Variants in FER1L5 observed in about 807,000 individuals in gnomAD.
The protein encoded by FER1L5 is fer-1 like family member 5, also known as fer-1-like protein 5.
FER1L5 carries 187 observed loss-of-function variants against 279.9 expected under a neutral mutation model. The ratio of observed to expected loss-of-function variants is 0.67; its 90% CI spans 0.59 to 0.75. The LOEUF is 0.75. Among genes scored for constraint, FER1L5 ranks in the 30% least tolerant of loss-of-function variants. The pLI is 0.00. For synonymous variants in FER1L5, 921 were observed against 989.7 expected, an observed-to-expected ratio of 0.93 and a Z score of 1.30; for missense variants, 2,091 against 2,594.4, an observed-to-expected ratio of 0.81 and a Z score of 4.21.
At chr2:96,700,293 G>A (rs1274514329) in intron 44 of FER1L5, 39 bp from the exon 45 acceptor site, 3 of 1,608,006 alleles carry the variant, frequency 1.9e-6, no homozygotes, top group Admixed American at 3.3e-5. Flanking sequence ...GAAGGCTAAT[G>A]ACCTCGCAAT....
At chr2:96,652,127 T>C in intron 7 of FER1L5, 107 bp downstream of exon 7, 1 of 1,456,152 alleles carries the variant, frequency 6.9e-7, no homozygotes, top group East Asian at 2.5e-5. Flanking sequence ...ATGTGTTTGT[T>C]CCACAAGCAT....
chr2:96,644,811 G>C (rs879654531), intron 1 of FER1L5, among the ~76,000 whole-genome samples: 4 of 152,200 alleles, frequency 2.6e-5, no homozygotes, highest in Non-Finnish European at 4.4e-5. Flanking sequence ...GGTTTCAAGA[G>C]GGGCGGTGGG....
At chr2:96,701,743 G>A (rs948434932) in intron 45 of FER1L5, among the ~76,000 whole-genome samples, 1 of 152,132 alleles carries the variant, frequency 6.6e-6, no homozygotes, top group African/African-American at 2.4e-5. Flanking sequence ...AAGCTACCGT[G>A]TCCCAATCTC....
At chr2:96,688,832 T>A (rs2077032519) in intron 24 of FER1L5, 1 of 206,122 alleles carries the variant, frequency 4.9e-6, no homozygotes, top group African/African-American at 2.4e-5. Context: ...AGCCTAGCCC[T>A]CCTGCACCAC....
chr2:96,683,471 C>T (rs1228233747), intron 19 of FER1L5, among the ~76,000 whole-genome samples: 1 of 152,070 alleles, frequency 6.6e-6, no homozygotes, highest in Non-Finnish European at 1.5e-5. Context: ...CCAGTATGAC[C>T]TCATCCTAAC....
intron 7 of FER1L5, chr2:96,652,836 G>C (rs1392076743): frequency 3.3e-5 from 5 of 152,436 alleles, no homozygotes; most frequent in African/African-American, 1.2e-4. Flanking sequence ...CTAGAAGGAG[G>C]TGTGGGCTCA....
Position 96,686,002 on chromosome 2 carries a change from A to C in FER1L5, c.1958A>C (p.Gln653Pro). 1 of 1,551,386 alleles carries C rather than the reference A, an allele frequency of 6.4e-7. No individual in the cohort carries two copies. Among genetic ancestry groups the C allele is most frequent in the Admixed American group, 2.0e-5 (1 of 50,986 alleles). ...ACCAGCCTGGACAGGAAGAGGTGGC[A>C]GCTCCGCAGCCTCCTCCTGCAGGAA... is the stretch of plus-strand genomic sequence containing the variant. ...KATSLDRKRW[Q>P]LRSLLLQELA... is the part of the protein sequence containing the mutation. The change falls in exon 22 of 53, where the codon CAG (glutamine) becomes CCG (proline). Residue 653 changes from glutamine to proline, a missense_variant. By Grantham distance (76) the Gln-to-Pro change is moderately conservative (BLOSUM62 -1). Coordinates refer to ENST00000624922, the MANE Select transcript of FER1L5 (RefSeq NM_001293083.2).
chr2:96,686,102 C>T lies in FER1L5; in HGVS notation c.2058C>T (p.Asn686=), dbSNP rs2076913688. ...CGGAGGACTGGCTGTACCGCCTCAA[C>T]ACCGTGCTCCCTGAGGTGGGTGCTG... ...ATAEDWLYRL[N]TVLPEPQMGL... is the part of the protein sequence containing the mutation. The change falls in exon 22 of 53, where the codon AAC becomes AAT. Residue 686 remains asparagine (N), a synonymous_variant. Coordinates refer to ENST00000624922, the MANE Select transcript of FER1L5 (RefSeq NM_001293083.2). 9 of 1,550,954 alleles carry T rather than the reference C, an allele frequency of 5.8e-6. No homozygotes were observed. Among genetic ancestry groups the T allele is most frequent in the African/African-American group, 2.7e-5 (2 of 73,192 alleles).
At position 96,704,439 on chromosome 2, in the gene FER1L5, C is replaced by T. The variant is rs771224449; in HGVS notation, c.5950-29C>T. ...GGGACAGCGTCTTCAGCTTGCCACC[C>T]CAGGCTAACTGTTGTCTGTTCTCTC... On this transcript the variant is annotated intron_variant, in intron 52 of 52. Transcript: ENST00000624922. 1.4e-5 allele frequency: 23 copies of T among 1,613,124 alleles called. No homozygotes were observed. In the Admixed American group the frequency reaches 3.5e-4, roughly 25 times the overall value.
Position 96,695,483 on chromosome 2 carries a change from CCTGCCCTCCTTCTTTGTT to C in FER1L5, c.3742-22_3742-5del. On this transcript the variant is annotated splice_region_variant and splice_polypyrimidine_tract_variant and intron_variant, in intron 34 of 52. Transcript: ENST00000624922. ...TACAGAGGCGCTGCCTGCCCCTTGT[CCTGCCCTCCTTCTTTGTT>C]CTGGTAGATCCTGGCCTGGGGCCTT... 6.4e-7 allele frequency: 1 copy of C among 1,560,022 alleles called. No homozygotes were observed.
Position 96,702,792 on chromosome 2 carries a change from G to A in FER1L5, c.5397+51G>A, listed in dbSNP as rs978955345. 6.3e-6 allele frequency: 10 copies of A among 1,596,344 alleles called. No homozygotes were observed. Among genetic ancestry groups the A allele is most frequent in the Non-Finnish European group, 8.5e-6 (10 of 1,172,076 alleles). ...AACAGGCCACAACAAACAGACCCAG[G>A]CTCCTGGAGCTCCTCCCCCCACCCC... is the stretch of plus-strand genomic sequence containing the variant. On this transcript the variant is annotated intron_variant, in intron 48 of 52. Coordinates refer to ENST00000624922, the MANE Select transcript of FER1L5 (RefSeq NM_001293083.2). The surrounding 1 kb of genome is among the most constrained non-coding windows in gnomAD (Gnocchi z 4.0).
In FER1L5 at chr2:96,685,990, G is replaced by A. The variant is rs2076909162; in HGVS notation, c.1946G>A (p.Arg649Lys). 1.3e-6 allele frequency: 2 copies of A among 1,551,176 alleles called. No individual in the cohort carries two copies. Among genetic ancestry groups the A allele is most frequent in the South Asian group, 2.4e-5 (2 of 84,018 alleles). ...CAGCCCAAAGCCACCAGCCTGGACAGGAAGAGGTGGCAGCTCCGCAGCCTC... is the reference window on the plus strand; with the variant it reads ...CAGCCCAAAGCCACCAGCCTGGACAAGAAGAGGTGGCAGCTCCGCAGCCTC... The part of the protein sequence containing the change: ...TYQPKATSLD[R>K]KRWQLRSLLL... The change falls in exon 22 of 53, where the codon AGG (arginine) becomes AAG (lysine). Residue 649 changes from arginine to lysine, a missense_variant. Physicochemically the swap from Arg to Lys is conservative, Grantham distance 26. Transcript: ENST00000624922.
Position 96,702,159 on chromosome 2 carries a change from G to A in FER1L5, c.5159+116G>A, listed in dbSNP as rs928703326. 104 of 1,566,866 alleles carry A rather than the reference G, an allele frequency of 6.6e-5. No homozygotes were observed. The highest frequency in any genetic ancestry group is 8.5e-5 in the Non-Finnish European group (98 of 1,152,218). ...GTAATTCGTTTCTCTATTGGGAAGA[G>A]AGGAAGCTCTACTGGGAGCTTTCTT... On this transcript the variant is annotated intron_variant, in intron 46 of 52. Transcript: ENST00000624922. The surrounding 1 kb of genome is among the most constrained non-coding windows in gnomAD (Gnocchi z 4.0).
chr2:96,687,599 C>T, intron 23 of FER1L5: 1 of 624,396 alleles, frequency 1.6e-6, no homozygotes, highest in East Asian at 2.9e-5. Context: ...GGCACTCCCA[C>T]CCTCTCTGCT....
rs1166537248 is a variant in FER1L5, at chr2:96,659,534, C to G, written c.748-807C>G. Reference sequence around the variant, plus strand: ...CGAGACAGAGTCTCGCTCTGTCGCCCAGGCTGGAGAGCAGTGGCGCAATCT... The same window carrying G: ...CGAGACAGAGTCTCGCTCTGTCGCCGAGGCTGGAGAGCAGTGGCGCAATCT... On this transcript the variant is annotated intron_variant, in intron 9 of 52. Transcript: ENST00000624922. 3.5e-5 allele frequency among the ~76,000 whole-genome samples: 5 copies of G among 143,218 alleles called. No homozygotes were observed. The East Asian group carries it at 1.0e-3, about 30-fold the overall frequency. The allele number at this position is 143,218 out of a possible 152,430, so 94.0% of individuals were successfully genotyped here. A position where few individuals can be genotyped will look rare whatever the true frequency, so the allele number is the denominator to read the frequency against.
chr2:96,704,314 C>T lies in FER1L5; in HGVS notation c.5901C>T (p.Val1967=). ...GCTTCAAACTCATAGCCTTTATGGT[C>T]ATATCGATTATAGCACTTATGCTGT... ...RYRFKLIAFM[V]ISIIALMLFN... is the part of the protein sequence containing the mutation. The change falls in exon 52 of 53, where the codon GTC becomes GTT. Residue 1967 remains valine (V), a synonymous_variant. Transcript: ENST00000624922. 2 of 1,613,974 alleles carry T rather than the reference C, an allele frequency of 1.2e-6. No individual in the cohort carries two copies. The highest frequency in any genetic ancestry group is 1.7e-6 in the Non-Finnish European group (2 of 1,179,886).
intron 9 of FER1L5, among the ~76,000 whole-genome samples, chr2:96,656,162 A>G (rs1366507350): frequency 6.6e-6 from 1 of 152,244 alleles, no homozygotes; most frequent in African/African-American, 2.4e-5. Context: ...AATCTCAAGC[A>G]TCACATCATT....
chr2:96,681,078 T>C (rs2076706592), intron 19 of FER1L5, among the ~76,000 whole-genome samples: 1 of 152,226 alleles, frequency 6.6e-6, no homozygotes, highest in South Asian at 2.1e-4. Flanking sequence ...TGTATTCTTT[T>C]GATATCATGG....
At chr2:96,662,828 C>T (rs2076001967) in intron 13 of FER1L5, among the ~76,000 whole-genome samples, 1 of 152,108 alleles carries the variant, frequency 6.6e-6, no homozygotes, top group Admixed American at 6.5e-5. Context: ...GGGAGGAGTA[C>T]CAAAGAATTT....
Sources: gnomAD v4.1 joint callset for allele counts (sites outside exome capture counted in the v4.1 genomes callset) on GRCh38, gnomAD v4.1.1 for gene constraint, Gnocchi (gnomAD v3.1) non-coding constraint, MANE v1.5 for transcripts, NCBI Gene and HGNC (gene_info 2026-07-23, HGNC 2026-07-21) for gene names.